The following TNRC6C variants were observed in gnomAD, a reference collection of about 807,000 sequenced individuals.
TNRC6C encodes the protein trinucleotide repeat-containing gene 6C protein.
Under a neutral mutation model 153.7 loss-of-function variants are expected in TNRC6C, and 20 were observed. The ratio of observed to expected loss-of-function variants is 0.13; its 90% CI spans 0.09 to 0.19. TNRC6C has a LOEUF of 0.19. TNRC6C is among the 10% of genes least tolerant of loss of function. The probability of loss-of-function intolerance (pLI) is 1.00; values close to 1 mark genes in which losing one functional copy is unlikely to be tolerated. For missense variants in TNRC6C, 1,987 were observed against 2,172.0 expected, an observed-to-expected ratio of 0.91 and a Z score of 1.69; for synonymous variants, 811 against 841.4, an observed-to-expected ratio of 0.96 and a Z score of 0.63.
chr17:78,095,159 G>A (rs1035752477), intron 16 of TNRC6C, among the ~76,000 whole-genome samples: 20 of 152,246 alleles, frequency 1.3e-4, no homozygotes, highest in African/African-American at 4.6e-4. Context: ...CTTCCCGAGT[G>A]GTGCCCAGAT....
At chr17:78,097,317 G>T (rs751473523) in intron 16 of TNRC6C, among the ~76,000 whole-genome samples, 1 of 152,160 alleles carries the variant, frequency 6.6e-6, no homozygotes, top group African/African-American at 2.4e-5. Flanking sequence ...GGCAAATTTT[G>T]TAATAAAAGG....
intron 1 of TNRC6C, among the ~76,000 whole-genome samples, chr17:77,966,823 A>G (rs544166992): frequency 6.6e-6 from 1 of 152,374 alleles, no homozygotes; most frequent in African/African-American, 2.4e-5. Flanking sequence ...TAGATCTTAT[A>G]TAACAGTCCC....
At chr17:77,972,206 T>G (rs1022954873) in intron 1 of TNRC6C, among the ~76,000 whole-genome samples, 1 of 152,052 alleles carries the variant, frequency 6.6e-6, no homozygotes, top group Non-Finnish European at 1.5e-5. Context: ...AGACACAGGT[T>G]ACTAAAATCA....
chr17:77,978,915 C>T (rs528128190), intron 1 of TNRC6C, among the ~76,000 whole-genome samples: 1 of 152,146 alleles, frequency 6.6e-6, no homozygotes, highest in African/African-American at 2.4e-5. Flanking sequence ...AAATGCTTGT[C>T]AGAAGCAAAA....
intron 17 of TNRC6C, 113 bp from the exon 21 acceptor site, chr17:78,102,361 G>A (rs1281915616): frequency 2.1e-6 from 2 of 954,432 alleles, no homozygotes; most frequent in East Asian, 5.9e-5. Flanking sequence ...CTTTCCTAAA[G>A]CACGCAGTGA....
At chr17:77,958,859 C>A (rs1177579443), upstream of TNRC6C, among the ~76,000 whole-genome samples, 1 of 147,064 alleles carries the variant, frequency 6.8e-6, no homozygotes, top group Non-Finnish European at 1.5e-5. Flanking sequence ...CGCGCTCCCG[C>A]CGCCGTCACC....
intron 4 of TNRC6C, among the ~76,000 whole-genome samples, chr17:78,066,021 A>G (rs1456479736): frequency 6.6e-6 from 1 of 152,184 alleles, no homozygotes; most frequent in Non-Finnish European, 1.5e-5. Context: ...ACCTGAGGTC[A>G]GGAGTTCGAA....
At position 78,054,772 on chromosome 17, in the gene TNRC6C, C is replaced by T. The variant is rs560057161; in HGVS notation, c.2395+3315C>T. ...GACTACTGTGGACTACTGTACACTA[C>T]TATACATTACTGCAGACTACTGTAC... is the stretch of plus-strand genomic sequence containing the variant. On this transcript the variant is annotated intron_variant, in intron 3 of 19. Coordinates refer to ENST00000301624, the Ensembl canonical transcript of TNRC6C. Among the ~76,000 whole-genome samples, 1,428 of 145,892 alleles carry T rather than the reference C, an allele frequency of 9.8e-3. 15 individuals are homozygous for T. Among genetic ancestry groups the T allele is most frequent in the South Asian group, 0.039 (177 of 4,578 alleles).
chr17:78,015,705 A>C (rs945096163), intron 1 of TNRC6C, among the ~76,000 whole-genome samples: 4 of 152,200 alleles, frequency 2.6e-5, no homozygotes, highest in Admixed American at 6.5e-5. Context: ...TGAGGTCAGG[A>C]GTTCCAGACC....
chr17:78,071,298 C>A (rs1048449432), intron 6 of TNRC6C, 133 bp downstream of exon 8: 3 of 896,232 alleles, frequency 3.3e-6, no homozygotes, highest in African/African-American at 1.7e-5. Flanking sequence ...TTGACATCAT[C>A]TAACTCTTAA....
At chr17:78,022,878 AC>A (rs2071861925) in intron 1 of TNRC6C, among the ~76,000 whole-genome samples, 1 of 152,248 alleles carries the variant, frequency 6.6e-6, no homozygotes, top group South Asian at 2.1e-4. Context: ...CAGTGCATGT[AC>A]TGTACATGTG....
chr17:78,051,560 A>G, intron 3 of TNRC6C, 112 bp downstream of exon 5: 1 of 1,172,456 alleles, frequency 8.5e-7, no homozygotes, highest in Non-Finnish European at 1.1e-6. Context: ...AAATAGCATT[A>G]AAATAATTTA....
At chr17:78,027,601 C>T (rs554783268) in intron 1 of TNRC6C, among the ~76,000 whole-genome samples, 5 of 152,288 alleles carry the variant, frequency 3.3e-5, no homozygotes, top group African/African-American at 1.2e-4. Flanking sequence ...GTTGAAGACC[C>T]AGGACACGCA....
intron 8 of TNRC6C, among the ~76,000 whole-genome samples, chr17:78,076,159 T>C (rs1394156499): frequency 6.7e-6 from 1 of 148,868 alleles, no homozygotes; most frequent in Admixed American, 6.8e-5. Flanking sequence ...GAGGTTGCAG[T>C]AAGCTGAGAT....
At chr17:78,072,298 TC>T (rs1159602935) in intron 6 of TNRC6C, among the ~76,000 whole-genome samples, 1 of 152,256 alleles carries the variant, frequency 6.6e-6, no homozygotes, top group East Asian at 1.9e-4. Context: ...ATTACTGTGT[TC>T]CAGTCATAAA....
rs2072471417 is a variant in TNRC6C at position 78,049,292 on chromosome 17, T to C, written c.230T>C (p.Met77Thr). 1 of 1,613,622 alleles carries C rather than the reference T, an allele frequency of 6.2e-7. No homozygotes were observed. The highest frequency in any genetic ancestry group is 8.5e-7 in the Non-Finnish European group (1 of 1,179,728). ...GGTGGGGATGGAAAAATGGACACTA[T>C]GATTGGAGATGGGAGAAGTCAGAAT... Residue 77 changes from methionine to threonine, a missense_variant, in exon 3 of 20, where the codon ATG (methionine) becomes ACG (threonine). By Grantham distance (81) the Met-to-Thr change is moderately conservative (BLOSUM62 -1). This residue lies in a region of TNRC6C where 1,052 missense variants were observed against 1,017.0 expected (regional missense o/e 1.03). Transcript: ENST00000301624. This position sits in a 1 kb window ranked among gnomAD's most constrained non-coding sequence, Gnocchi z 4.1.
chr17:78,071,434 T>A (rs539577068), intron 6 of TNRC6C, among the ~76,000 whole-genome samples: 11 of 152,140 alleles, frequency 7.2e-5, no homozygotes, highest in African/African-American at 2.7e-4. Flanking sequence ...TTTTTTTTTT[T>A]GGAGACAGGG....
intron 2 of TNRC6C, among the ~76,000 whole-genome samples, chr17:78,037,432 C>G (rs754826673): frequency 1.3e-5 from 2 of 152,214 alleles, no homozygotes; most frequent in Non-Finnish European, 2.9e-5. Flanking sequence ...GGTATTGTAA[C>G]AGAGATAAGC....
At chr17:78,071,252 G>A in intron 6 of TNRC6C, 87 bp downstream of exon 8, 1 of 1,297,094 alleles carries the variant, frequency 7.7e-7, no homozygotes, top group Non-Finnish European at 1.1e-6. Context: ...TGTTATGTGT[G>A]TCAGAAGACA....
Sources: gnomAD v4.1 joint callset for allele counts (sites outside exome capture counted in the v4.1 genomes callset) on GRCh38, gnomAD v4.1.1 for gene constraint, gnomAD v4.1.1 regional missense constraint, Gnocchi (gnomAD v3.1) non-coding constraint, MANE v1.5 for transcripts, NCBI Gene and HGNC (gene_info 2026-07-23, HGNC 2026-07-21) for gene names.